The following FBXO33 variants were observed in gnomAD, a reference collection of about 807,000 sequenced individuals.
FBXO33 encodes F-box only protein 33.
Under a neutral mutation model 46.3 loss-of-function variants are expected in FBXO33, and 22 were observed. That is an observed-to-expected ratio of 0.48 (90% confidence interval 0.34 to 0.68). The LOEUF is 0.68. Ranked by LOEUF, FBXO33 falls within the 30% of genes least tolerant of loss-of-function variation. The pLI is 0.01. For synonymous variants in FBXO33, 337 were observed against 291.3 expected, an observed-to-expected ratio of 1.16 and a Z score of -1.60; for missense variants, 692 against 708.8, an observed-to-expected ratio of 0.98 and a Z score of 0.27.
intron 1 of FBXO33, among the ~76,000 whole-genome samples, chr14:39,428,343 T>C (rs889207493): frequency 1.1e-4 from 17 of 152,002 alleles, no homozygotes; most frequent in Admixed American, 9.2e-4. Context: ...GTAGCTGGGA[T>C]TACAGGCATG....
chr14:39,426,126 A>ATTAT (rs1037021326), intron 1 of FBXO33, among the ~76,000 whole-genome samples: 1 of 152,094 alleles, frequency 6.6e-6, no homozygotes, highest in Admixed American at 6.5e-5. Context: ...ATTTTTAAAA[A>ATTAT]TTATTTATTT....
At chr14:39,409,624 GATTTT>G (rs2139407147) in intron 1 of FBXO33, among the ~76,000 whole-genome samples, 1 of 152,304 alleles carries the variant, frequency 6.6e-6, no homozygotes, top group Non-Finnish European at 1.5e-5. Context: ...ATGCCATTGA[GATTTT>G]AATAGAGATT....
At chr14:39,411,665 G>A (rs1335714118) in intron 1 of FBXO33, among the ~76,000 whole-genome samples, 1 of 151,866 alleles carries the variant, frequency 6.6e-6, no homozygotes, top group African/African-American at 2.4e-5. Flanking sequence ...TGCGACTACA[G>A]GTGCATGCCA....
chr14:39,425,789 G>A (rs988095243), intron 1 of FBXO33, among the ~76,000 whole-genome samples: 9 of 152,310 alleles, frequency 5.9e-5, no homozygotes, highest in Admixed American at 3.9e-4. Flanking sequence ...CTAGCCATAT[G>A]TGACTATTGA....
chr14:39,401,688 G>A lies in FBXO33; in HGVS notation c.884C>T (p.Thr295Ile). Residue 295 changes from threonine to isoleucine, a missense_variant, in exon 3 of 4, where the codon ACT (threonine) becomes ATT (isoleucine). Coordinates refer to ENST00000298097, the MANE Select transcript of FBXO33 (RefSeq NM_203301.4). ...CTCCAGTTCAACTGCAGTAATAAGA[G>A]TGCTGTTACCAGGAATATTATTGTC... ...LLDNNIPGNS[T>I]LITAVELERF... 6.2e-7 allele frequency: 1 copy of A among 1,614,194 alleles called. No homozygotes were observed. The highest frequency in any genetic ancestry group is 1.1e-5 in the South Asian group (1 of 91,086).
Position 39,398,420 on chromosome 14 carries a change from T to G in FBXO33, c.*1096A>C. On this transcript the variant is annotated 3_prime_UTR_variant, in exon 4 of 4. Transcript: ENST00000298097. ...AGCTTTCAGTTTTTCCTTTCTTTCC[T>G]TTACATTCACTATTCACAGTGAAAC... The G allele has an allele frequency of 6.6e-6, 1 of 152,434 alleles. No homozygotes were observed. The allele number at this position is 152,434 out of a possible 1,614,324, so 9.4% of individuals were successfully genotyped here.
At position 39,401,805 on chromosome 14, in the gene FBXO33, G is replaced by A; in HGVS notation, c.767C>T (p.Ser256Phe). The A allele has an allele frequency of 6.2e-7, 1 of 1,614,090 alleles. No homozygotes were observed. The highest frequency in any genetic ancestry group is 8.5e-7 in the Non-Finnish European group (1 of 1,180,004). The change falls in exon 3 of 4, where the codon TCC becomes TTC. Residue 256 changes from serine to phenylalanine, a missense_variant. This residue lies in a region of FBXO33 where 412 missense variants were observed against 370.8 expected (regional missense o/e 1.11). Coordinates refer to ENST00000298097, the MANE Select transcript of FBXO33 (RefSeq NM_203301.4). ...LSNSRQLKWL[S>F]CGFMLEIVTP... ...TACTATTTCCAGCATAAACCCACAG[G>A]ACAGCCATTTCAGTTGCCTACTATT... is the stretch of plus-strand genomic sequence containing the variant.
Position 39,412,741 on chromosome 14 carries a change from T to C in FBXO33, c.600-10230A>G, listed in dbSNP as rs2075429517. Among the ~76,000 whole-genome samples the C allele has an allele frequency of 2.0e-5, 3 of 152,236 alleles. No individual in the cohort carries two copies. The South Asian group carries it at 6.2e-4, about 32-fold the overall frequency. ...TTCCAGACCACTGCAATAAAGTGAA[T>C]ATTGAAATAAAGAAAGTCACACAAT... On this transcript the variant is annotated intron_variant, in intron 1 of 3. Transcript: ENST00000298097.
At chr14:39,400,887 G>T (rs2075365579) in intron 3 of FBXO33, among the ~76,000 whole-genome samples, 1 of 152,184 alleles carries the variant, frequency 6.6e-6, no homozygotes, top group East Asian at 1.9e-4. Context: ...ATCTACCACA[G>T]GTATGTGTGC....
In FBXO33 at chr14:39,398,412, T is replaced by A. The variant is rs2075353008; in HGVS notation, c.*1104A>T. The A allele has an allele frequency of 6.6e-6, 1 of 152,516 alleles. No homozygotes were observed. The highest frequency in any genetic ancestry group is 1.5e-5 in the Non-Finnish European group (1 of 68,032). The allele number at this position is 152,516 out of a possible 1,614,324, so 9.4% of individuals were successfully genotyped here. A position where few individuals can be genotyped will look rare whatever the true frequency, so the allele number is the denominator to read the frequency against. ...ATAGAACAAGCTTTCAGTTTTTCCT[T>A]TCTTTCCTTTACATTCACTATTCAC... On this transcript the variant is annotated 3_prime_UTR_variant, in exon 4 of 4. Coordinates refer to ENST00000298097, the MANE Select transcript of FBXO33 (RefSeq NM_203301.4).
rs200413412 is a variant in FBXO33, at chr14:39,399,559, C to A, written c.1625G>T (p.Arg542Leu). 2.9e-5 allele frequency: 46 copies of A among 1,612,144 alleles called. No homozygotes were observed. The highest frequency in any genetic ancestry group is 3.7e-5 in the Non-Finnish European group (44 of 1,179,008). ...GCTTTGCATCTCTCTGTAAAAATGA[C>A]GATTTGGTTCAGTGAAGACACTGAG... ...ESLSVFTEPN[R>L]HFYREMQSFS... The change falls in exon 4 of 4, where the codon CGT (arginine) becomes CTT (leucine). Residue 542 changes from arginine (R) to leucine (L), a missense_variant. By Grantham distance (102) the Arg-to-Leu change is moderately radical. This residue lies in a region of FBXO33 where 94 missense variants were observed against 91.9 expected (regional missense o/e 1.02). Transcript: ENST00000298097.
chr14:39,420,585 G>A (rs932501501), intron 1 of FBXO33, among the ~76,000 whole-genome samples: 4 of 152,128 alleles, frequency 2.6e-5, no homozygotes, highest in Non-Finnish European at 4.4e-5. Flanking sequence ...CAGCCACTTG[G>A]GAGGCTGAGG....
intron 1 of FBXO33, among the ~76,000 whole-genome samples, chr14:39,407,081 G>GA (rs2075402104): frequency 1.3e-5 from 2 of 152,194 alleles, no homozygotes; most frequent in South Asian, 4.1e-4. Context: ...AAGGTCACAG[G>GA]ATACAAGGTC....
At chr14:39,415,404 T>C (rs538098016) in intron 1 of FBXO33, among the ~76,000 whole-genome samples, 1 of 152,258 alleles carries the variant, frequency 6.6e-6, no homozygotes, top group East Asian at 1.9e-4. Context: ...TGATGCAGGG[T>C]TGCCACAAAC....
chr14:39,400,600 G>C (rs1297015814), intron 3 of FBXO33, among the ~76,000 whole-genome samples: 2 of 152,038 alleles, frequency 1.3e-5, no homozygotes, highest in Non-Finnish European at 2.9e-5. Flanking sequence ...TAGCTAATAA[G>C]AGAGTTTAAG....
intron 1 of FBXO33, among the ~76,000 whole-genome samples, chr14:39,429,851 G>C (rs545149904): frequency 8.0e-4 from 122 of 152,302 alleles, no homozygotes; most frequent in African/African-American, 2.8e-3. Flanking sequence ...GTAAGGAAGA[G>C]AAGGACAGGA....
Position 39,432,088 on chromosome 14 carries a change from C to T in FBXO33, c.75G>A (p.Ala25=), listed in dbSNP as rs1053760872. The part of the protein sequence containing the change: ...ARTRAGAARV[A]RWRRLRLQQL... ...GCTGCAGCCGCAGCCGCCGCCACCG[C>T]GCCACCCGGGCGGCCCCGGCTCGGG... The change falls in exon 1 of 4, where the codon GCG becomes GCA. Residue 25 remains alanine (A), a synonymous_variant. Coordinates refer to ENST00000298097, the MANE Select transcript of FBXO33 (RefSeq NM_203301.4). 10 of 1,242,294 alleles carry T rather than the reference C, an allele frequency of 8.0e-6. No individual in the cohort carries two copies. The African/African-American group carries it at 1.6e-4, about 19-fold the overall frequency. The allele number at this position is 1,242,294 out of a possible 1,614,324, so 77.0% of individuals were successfully genotyped here.
At chr14:39,419,380 G>A (rs1018277731) in intron 1 of FBXO33, among the ~76,000 whole-genome samples, 10 of 152,108 alleles carry the variant, frequency 6.6e-5, no homozygotes, top group African/African-American at 2.2e-4. Flanking sequence ...CAACTCAAGG[G>A]CAGCTTTCAA....
intron 1 of FBXO33, among the ~76,000 whole-genome samples, chr14:39,420,244 T>C (rs916126837): frequency 2.0e-5 from 3 of 152,218 alleles, no homozygotes; most frequent in Non-Finnish European, 2.9e-5. Context: ...AAACTTGGTT[T>C]TAAAAATCAG....
Sources: allele counts gnomAD v4.1 joint callset (sites outside exome capture counted in the v4.1 genomes callset), GRCh38; gene constraint gnomAD v4.1.1; regional missense constraint gnomAD v4.1.1; transcripts MANE v1.5; gene names NCBI Gene and HGNC (gene_info 2026-07-23, HGNC 2026-07-21).